SEMA4F: variants seen among roughly 807,000 people sequenced by gnomAD.
The protein encoded by SEMA4F is ssemaphorin 4F, also known as semaphorin-4F.
In SEMA4F, 51 loss-of-function variants were observed where a neutral mutation model predicts 78.4. That is an observed-to-expected ratio of 0.65 (90% CI 0.52 to 0.82). The LOEUF (loss-of-function observed/expected upper bound fraction) is 0.82, where lower values mean the gene tolerates loss of function less well. SEMA4F is among the 40% of genes least tolerant of loss of function. SEMA4F has a pLI of 0.00. For missense variants in SEMA4F, 938 were observed against 1,014.4 expected (o/e 0.92, Z 1.02); for synonymous variants, 418 against 408.7 (o/e 1.02, Z -0.27).
chr2:74,671,660 G>T (rs1301787500), intron 5 of SEMA4F, among the ~76,000 whole-genome samples: 1 of 152,182 alleles, frequency 6.6e-6, no homozygotes, highest in African/African-American at 2.4e-5. Flanking sequence ...CTGTTCCCAG[G>T]CTCTTCCCTT....
intron 4 of SEMA4F, among the ~76,000 whole-genome samples, chr2:74,661,545 C>T (rs1485746155): frequency 6.6e-6 from 1 of 152,178 alleles, no homozygotes; most frequent in Non-Finnish European, 1.5e-5. Flanking sequence ...GTTAATCTCT[C>T]ACCAAACCCA....
chr2:74,662,100 T>C (rs917109272), intron 4 of SEMA4F, among the ~76,000 whole-genome samples: 1 of 150,406 alleles, frequency 6.6e-6, no homozygotes, highest in Non-Finnish European at 1.5e-5. Flanking sequence ...AGGAAGGTAC[T>C]TACTACCAAA....
intron 12 of SEMA4F, among the ~76,000 whole-genome samples, chr2:74,678,409 C>A (rs1010804818): frequency 1.3e-5 from 2 of 152,190 alleles, no homozygotes; most frequent in Non-Finnish European, 2.9e-5. Context: ...TCCCCACTCT[C>A]AGCTAGACTA....
At chr2:74,669,628 T>A (rs1007806130) in intron 5 of SEMA4F, among the ~76,000 whole-genome samples, 2 of 151,784 alleles carry the variant, frequency 1.3e-5, no homozygotes, top group Admixed American at 6.6e-5. Flanking sequence ...AAACAAAAGG[T>A]AACAAACAAA....
the SEMA4F span, among the ~76,000 whole-genome samples, chr2:74,694,694 T>G: frequency 6.6e-6 from 1 of 152,258 alleles, no homozygotes; most frequent in Non-Finnish European, 1.5e-5. Flanking sequence ...TATCTTCATT[T>G]TGATGCCAAT....
the SEMA4F span, among the ~76,000 whole-genome samples, chr2:74,699,796 G>A: frequency 2.0e-5 from 3 of 152,190 alleles, no homozygotes; most frequent in Non-Finnish European, 4.4e-5. Context: ...TAGCAGTGAT[G>A]TCTAATATAG....
the SEMA4F span, among the ~76,000 whole-genome samples, chr2:74,703,515 C>T: frequency 2.0e-4 from 31 of 152,324 alleles, no homozygotes; most frequent in African/African-American, 4.8e-4. Flanking sequence ...CCTCCCCTCC[C>T]GTTAGCTGCT....
rs1395696656 is a variant in SEMA4F, at chr2:74,680,317, T to C, written c.*108T>C. On this transcript the variant is annotated 3_prime_UTR_variant, in exon 14 of 14. Transcript: ENST00000357877. ...GACCATCCCAGCCTCTGAGTTCTCT[T>C]TGAGTATGAGTGATTACTTGGATTT... is the stretch of plus-strand genomic sequence containing the variant. 2 of 1,304,176 alleles carry C rather than the reference T, an allele frequency of 1.5e-6. No individual in the cohort carries two copies. Among genetic ancestry groups the C allele is most frequent in the Non-Finnish European group, 2.1e-6 (2 of 952,326 alleles). 80.8% of individuals were successfully genotyped at this position (1,304,176 alleles called of 1,614,324 possible).
chr2:74,673,388 C>T (rs1221279313), intron 5 of SEMA4F, 69 bp from the exon 6 acceptor site: 1 of 1,593,674 alleles, frequency 6.3e-7, no homozygotes, highest in Admixed American at 1.7e-5. Context: ...ATGCCCTACT[C>T]TGCCTGTGAC....
At chr2:74,690,671 T>C in the SEMA4F span, among the ~76,000 whole-genome samples, 1 of 152,374 alleles carries the variant, frequency 6.6e-6, no homozygotes, top group Admixed American at 6.5e-5. Context: ...ATTTTTGCAA[T>C]AGTGAAGTAG....
chr2:74,689,025 A>T, the SEMA4F span, among the ~76,000 whole-genome samples: 1 of 152,194 alleles, frequency 6.6e-6, no homozygotes, highest in South Asian at 2.1e-4. Context: ...GCAGATGAGT[A>T]AGCAGACAGC....
the SEMA4F span, among the ~76,000 whole-genome samples, chr2:74,690,507 G>A: frequency 1.6e-4 from 12 of 75,726 alleles, no homozygotes; most frequent in Admixed American, 7.4e-4. Flanking sequence ...GCACTAAGAC[G>A]TTTGATAATG....
chr2:74,686,849 G>A (rs1057152063), downstream of SEMA4F, among the ~76,000 whole-genome samples: 1 of 151,722 alleles, frequency 6.6e-6, no homozygotes, highest in Non-Finnish European at 1.5e-5. Flanking sequence ...GACACAGGGC[G>A]GGGAACATCA....
intron 5 of SEMA4F, among the ~76,000 whole-genome samples, chr2:74,669,516 C>T (rs1333318266): frequency 6.6e-6 from 1 of 151,502 alleles, no homozygotes; most frequent in Non-Finnish European, 1.5e-5. Context: ...ACCTGGGAGG[C>T]GGAGATTACA....
chr2:74,696,488 G>A, the SEMA4F span, among the ~76,000 whole-genome samples: 10 of 152,054 alleles, frequency 6.6e-5, no homozygotes, highest in Non-Finnish European at 1.3e-4. Flanking sequence ...ATGAGCCACC[G>A]CGCCCGGCCC....
At chr2:74,677,928 T>G (rs957973400) in intron 12 of SEMA4F, among the ~76,000 whole-genome samples, 2 of 152,218 alleles carry the variant, frequency 1.3e-5, no homozygotes, top group Non-Finnish European at 2.9e-5. Context: ...AGTCATAACA[T>G]TTAATTTTGT....
intron 5 of SEMA4F, among the ~76,000 whole-genome samples, chr2:74,665,529 A>G (rs1303072502): frequency 1.3e-5 from 2 of 152,092 alleles, no homozygotes; most frequent in African/African-American, 4.8e-5. Context: ...GCACCCAGCC[A>G]TTAAGTCACT....
the SEMA4F span, among the ~76,000 whole-genome samples, chr2:74,689,000 A>C: frequency 2.0e-5 from 3 of 152,218 alleles, no homozygotes; most frequent in African/African-American, 7.2e-5. Context: ...CTTAAAGCTC[A>C]TAATTCAAGG....
the SEMA4F span, among the ~76,000 whole-genome samples, chr2:74,706,698 C>T: frequency 1.6e-4 from 25 of 152,300 alleles, 1 homozygote; most frequent in African/African-American, 5.3e-4. Flanking sequence ...TCATATTTCA[C>T]GGTTAATCTC....
Sources: allele counts gnomAD v4.1 joint callset (sites outside exome capture counted in the v4.1 genomes callset), GRCh38; gene constraint gnomAD v4.1.1; transcripts MANE v1.5; gene names NCBI Gene and HGNC (gene_info 2026-07-23, HGNC 2026-07-21).